Variants in CFAP47 observed in about 807,000 individuals in gnomAD.
CFAP47 encodes the protein cilia and flagella associated protein 47.
CFAP47 carries 29 observed loss-of-function variants against 148.1 expected under a neutral mutation model. That is an observed-to-expected ratio of 0.20 (90% CI 0.15 to 0.27). The LOEUF is 0.27. CFAP47 is among the 10% of genes least tolerant of loss of function. The pLI is 1.00. For missense variants in CFAP47, 1,872 were observed against 1,697.5 expected, an observed-to-expected ratio of 1.10 and a Z score of -1.81; for synonymous variants, 664 against 577.3, an observed-to-expected ratio of 1.15 and a Z score of -2.15.
chrX:36,170,644 G>A (rs1324603536), intron 39 of CFAP47, among the ~76,000 whole-genome samples: 1 of 108,581 alleles, frequency 9.2e-6, no homozygotes, highest in Non-Finnish European at 1.9e-5. Context: ...TTTTATGGCT[G>A]CATAGTATTC....
At chrX:36,124,606 C>T (rs761847252) in intron 33 of CFAP47, among the ~76,000 whole-genome samples, 1 of 111,530 alleles carries the variant, frequency 9.0e-6, no homozygotes, top group East Asian at 2.8e-4. Flanking sequence ...CCCCAGTGCA[C>T]AGAAATGCTC....
At chrX:36,291,463 A>G (rs1556005534) in intron 51 of CFAP47, among the ~76,000 whole-genome samples, 2 of 111,292 alleles carry the variant, frequency 1.8e-5, no homozygotes, top group Non-Finnish European at 3.8e-5. Flanking sequence ...CTGAAAGACC[A>G]TTATTTCAAT....
At chrX:36,119,519 T>G (rs1938702180) in intron 33 of CFAP47, among the ~76,000 whole-genome samples, 1 of 111,649 alleles carries the variant, frequency 9.0e-6, no homozygotes, top group Non-Finnish European at 1.9e-5. Flanking sequence ...GCCTGTAGTT[T>G]CCTTTTCTTG....
At position 36,105,042 on chromosome X, in the gene CFAP47, G is replaced by A. The variant is rs372793490; in HGVS notation, c.5320+351G>A. On this transcript the variant is annotated intron_variant, in intron 33 of 63. Transcript: ENST00000378653. The stretch of plus-strand genomic sequence containing the variant: ...GCTCAAACTTAGTATATAACTAGTC[G>A]AGATCAAGTAAAATCTCCTAGAAAA... 5.4e-5 allele frequency among the ~76,000 whole-genome samples: 6 copies of A among 111,513 alleles called. 1 individual carries two copies. The South Asian group carries it at 1.1e-3, about 21-fold the overall frequency.
intron 62 of CFAP47, among the ~76,000 whole-genome samples, chrX:36,372,032 G>C (rs1266658168): frequency 5.9e-5 from 6 of 101,176 alleles, no homozygotes; most frequent in African/African-American, 2.2e-4. Context: ...ATGTATATAT[G>C]TGTGTGTGTA....
chrX:36,047,800 ATC>A (rs1937484281), intron 26 of CFAP47, among the ~76,000 whole-genome samples: 2 of 112,244 alleles, frequency 1.8e-5, no homozygotes, highest in Admixed American at 9.4e-5. Flanking sequence ...GGAGAGGGAC[ATC>A]TCTCTTCTTA....
At chrX:35,954,912 G>C (rs1416596919) in intron 7 of CFAP47, among the ~76,000 whole-genome samples, 1 of 111,992 alleles carries the variant, frequency 8.9e-6, no homozygotes, top group African/African-American at 3.2e-5. Flanking sequence ...TCTGCACATG[G>C]GAATCTGATT....
intron 29 of CFAP47, among the ~76,000 whole-genome samples, chrX:36,076,819 A>G (rs1390551598): frequency 9.0e-6 from 1 of 110,801 alleles, no homozygotes; most frequent in African/African-American, 3.3e-5. Context: ...CCCAAGGCCA[A>G]TGTCCAGAAT....
chrX:36,304,829 G>A (rs1473957023), intron 54 of CFAP47, among the ~76,000 whole-genome samples: 5 of 111,750 alleles, frequency 4.5e-5, no homozygotes, highest in Non-Finnish European at 5.6e-5. Context: ...TCTCCTTCCT[G>A]CAAGTTACAA....
chrX:36,040,617 A>G (rs900488330), intron 25 of CFAP47, among the ~76,000 whole-genome samples: 27 of 112,079 alleles, frequency 2.4e-4, no homozygotes, highest in African/African-American at 8.7e-4. Flanking sequence ...AAAAATAAAT[A>G]TAATAAACTA....
chrX:36,006,049 T>A (rs956034620), intron 21 of CFAP47, among the ~76,000 whole-genome samples: 1 of 111,235 alleles, frequency 9.0e-6, no homozygotes, highest in Non-Finnish European at 1.9e-5. Flanking sequence ...TATATTTTCA[T>A]ATAATTGAAA....
At chrX:36,241,456 A>T (rs901173728) in intron 48 of CFAP47, among the ~76,000 whole-genome samples, 1 of 111,811 alleles carries the variant, frequency 8.9e-6, no homozygotes, top group Admixed American at 9.5e-5. Flanking sequence ...GCTAGCCAGC[A>T]TCTCCCAGGG....
intron 21 of CFAP47, among the ~76,000 whole-genome samples, chrX:36,006,251 A>G (rs754038216): frequency 9.0e-6 from 1 of 110,883 alleles, no homozygotes; most frequent in South Asian, 3.7e-4. Context: ...ATTGATCATA[A>G]AATTAAAATT....
Position 35,991,934 on chromosome X carries a change from T to C in CFAP47, c.2958T>C (p.Ala986=). ...AILQNVGQNH[A]YFKVCSQSLL... Reference sequence around the variant, plus strand: ...TTCAAAATGTAGGACAAAACCATGCTTATTTCAAGGTAACATAGGATGTTG... The same window carrying C: ...TTCAAAATGTAGGACAAAACCATGCCTATTTCAAGGTAACATAGGATGTTG... The change falls in exon 17 of 64, where the codon GCT becomes GCC. Residue 986 remains alanine (A), a synonymous_variant. Coordinates refer to ENST00000378653, the MANE Select transcript of CFAP47 (RefSeq NM_001304548.2). 1 of 295,910 alleles carries C rather than the reference T, an allele frequency of 3.4e-6. No homozygotes were observed. The highest frequency in any genetic ancestry group is 4.8e-5 in the East Asian group (1 of 20,871). 24.4% of individuals were successfully genotyped at this position (295,910 alleles called of 1,213,427 possible). A position where few individuals can be genotyped will look rare whatever the true frequency, so the allele number is the denominator to read the frequency against.
Position 35,966,654 on chromosome X carries a change from T to C in CFAP47, c.1500T>C (p.Asp500=). 9.3e-6 allele frequency: 11 copies of C among 1,183,055 alleles called. No homozygotes were observed. The highest frequency in any genetic ancestry group is 1.8e-5 in the African/African-American group (1 of 56,344). The change falls in exon 9 of 64, where the codon GAT becomes GAC. Residue 500 remains aspartate (D), a synonymous_variant. Transcript: ENST00000378653. The stretch of plus-strand genomic sequence containing the variant: ...TTATTGGTTTAGTGGCAGAAGAAGA[T>C]TTGCAATCTTTGTCGGTAAAATCTT... The part of the protein sequence containing the change: ...IEIIGLVAEE[D]LQSLSVKSFH...
At chrX:35,974,128 G>T (rs1347519259) in intron 13 of CFAP47, among the ~76,000 whole-genome samples, 1 of 111,617 alleles carries the variant, frequency 9.0e-6, no homozygotes, top group Non-Finnish European at 1.9e-5. Flanking sequence ...AGGTTAAGTA[G>T]ATCGAGAATA....
intron 51 of CFAP47, among the ~76,000 whole-genome samples, chrX:36,298,002 G>A (rs1376526268): frequency 9.2e-6 from 1 of 108,828 alleles, no homozygotes; most frequent in Admixed American, 9.9e-5. Context: ...TCAGTGTGGC[G>A]ATTCCTCAGG....
At chrX:36,028,929 G>A (rs1248778788) in intron 22 of CFAP47, among the ~76,000 whole-genome samples, 1 of 110,779 alleles carries the variant, frequency 9.0e-6, no homozygotes, top group Non-Finnish European at 1.9e-5. Flanking sequence ...TCTTGTTCCA[G>A]TTCTTACAGG....
intron 46 of CFAP47, among the ~76,000 whole-genome samples, chrX:36,229,942 A>C (rs1265396746): frequency 1.9e-5 from 2 of 104,413 alleles, no homozygotes; most frequent in Non-Finnish European, 3.9e-5. Context: ...ACATGAACTC[A>C]TCATTTTTTA....
Sources: gnomAD v4.1 joint callset for allele counts (sites outside exome capture counted in the v4.1 genomes callset) on GRCh38, gnomAD v4.1.1 for gene constraint, MANE v1.5 for transcripts, NCBI Gene and HGNC (gene_info 2026-07-23, HGNC 2026-07-21) for gene names.